Variants in OPCML observed in about 807,000 individuals in gnomAD.
OPCML encodes opioid binding protein/cell adhesion molecule like, also known as opioid-binding protein/cell adhesion molecule.
OPCML carries 13 observed loss-of-function variants against 37.8 expected under a neutral mutation model. The observed-to-expected ratio is 0.34, with a 90% CI of 0.22 to 0.55. The LOEUF is 0.55. Ranked by LOEUF, OPCML falls within the 20% of genes least tolerant of loss-of-function variation. OPCML has a pLI of 0.91. For missense variants in OPCML, 341 were observed against 435.6 expected (o/e 0.78, Z 1.93); for synonymous variants, 176 against 168.8 (o/e 1.04, Z -0.33).
At chr11:133,316,438 T>C (rs1261121459) in intron 1 of OPCML, among the ~76,000 whole-genome samples, 4 of 151,974 alleles carry the variant, frequency 2.6e-5, no homozygotes, top group Non-Finnish European at 4.4e-5. Flanking sequence ...TGAGAACACA[T>C]GGACACAGGG....
At chr11:133,111,500 G>C (rs560736001) in intron 1 of OPCML, among the ~76,000 whole-genome samples, 3 of 152,236 alleles carry the variant, frequency 2.0e-5, no homozygotes, top group East Asian at 3.9e-4. Context: ...GTCTTTCTCA[G>C]ATACCAGCTC....
chr11:132,929,565 C>T (rs140190826), intron 2 of OPCML, among the ~76,000 whole-genome samples: 7 of 152,164 alleles, frequency 4.6e-5, no homozygotes, highest in East Asian at 3.9e-4. Flanking sequence ...AATATTATTT[C>T]GATAACAAAA....
chr11:133,387,098 A>C (rs920799076), intron 1 of OPCML, among the ~76,000 whole-genome samples: 3 of 152,194 alleles, frequency 2.0e-5, no homozygotes, highest in African/African-American at 4.8e-5. Context: ...AATGTTCCTC[A>C]AACACATGGC....
chr11:132,480,664 G>C (rs997537742), intron 4 of OPCML, among the ~76,000 whole-genome samples: 2 of 152,132 alleles, frequency 1.3e-5, no homozygotes, highest in Non-Finnish European at 2.9e-5. Context: ...GACTAACAGC[G>C]GATCTCTTGG....
chr11:133,473,919 A>G (rs1355164443), intron 1 of OPCML, among the ~76,000 whole-genome samples: 1 of 152,268 alleles, frequency 6.6e-6, no homozygotes, highest in East Asian at 1.9e-4. Flanking sequence ...TTTACAGAGT[A>G]ACACTTTAAT....
chr11:133,154,753 G>A (rs1398323584), intron 1 of OPCML, among the ~76,000 whole-genome samples: 2 of 151,950 alleles, frequency 1.3e-5, no homozygotes, highest in Non-Finnish European at 2.9e-5. Flanking sequence ...GCCAATAGAA[G>A]GAGAAGGAAA....
At chr11:132,466,891 G>C (rs573650585) in intron 4 of OPCML, among the ~76,000 whole-genome samples, 2 of 152,262 alleles carry the variant, frequency 1.3e-5, no homozygotes, top group South Asian at 4.1e-4. Flanking sequence ...TATTTTTATA[G>C]AGATTTATTA....
intron 1 of OPCML, among the ~76,000 whole-genome samples, chr11:133,326,064 T>A (rs1466030253): frequency 6.6e-6 from 1 of 152,186 alleles, no homozygotes; most frequent in African/African-American, 2.4e-5. Flanking sequence ...TTCTTGCTCA[T>A]CTTTTCCTGT....
In OPCML at chr11:133,174,325, G is replaced by A. The variant is rs555136271; in HGVS notation, c.62-231315C>T. Among the ~76,000 whole-genome samples, 1 of 152,124 alleles carries A rather than the reference G, an allele frequency of 6.6e-6. No individual in the cohort carries two copies. The highest frequency in any genetic ancestry group is 1.5e-5 in the Non-Finnish European group (1 of 68,028). ...AGGACAGGGGCCTCGCATGAACCTA[G>A]GTTCCAGGTCAGATGAAATGGCCAT... On this transcript the variant is annotated intron_variant, in intron 1 of 7. Transcript: ENST00000524381. The surrounding 1 kb of genome is among the most constrained non-coding windows in gnomAD (Gnocchi z 4.6).
intron 1 of OPCML, among the ~76,000 whole-genome samples, chr11:133,288,411 C>T (rs1942364206): frequency 6.6e-6 from 1 of 152,210 alleles, no homozygotes; most frequent in Non-Finnish European, 1.5e-5. Context: ...AGCTACCAGG[C>T]CCACTGTTTC....
chr11:132,436,432 G>A (rs1565560525), intron 6 of OPCML, 195 bp from the exon 7 acceptor site: 2 of 955,982 alleles, frequency 2.1e-6, no homozygotes, highest in Non-Finnish European at 2.5e-6. Flanking sequence ...CGACTGACAT[G>A]TCTACAACCA....
chr11:133,182,707 A>G (rs1320973283), intron 1 of OPCML, among the ~76,000 whole-genome samples: 2 of 152,224 alleles, frequency 1.3e-5, no homozygotes, highest in African/African-American at 2.4e-5. Flanking sequence ...ACCTGCAAGG[A>G]AAACAAAGTG....
intron 3 of OPCML, among the ~76,000 whole-genome samples, chr11:132,651,184 G>A (rs149261353): frequency 2.0e-5 from 3 of 152,232 alleles, no homozygotes; most frequent in East Asian, 1.9e-4. Flanking sequence ...ACCTGTCTAC[G>A]TATTTAACTC....
At chr11:132,845,400 C>T (rs1463896584) in intron 2 of OPCML, among the ~76,000 whole-genome samples, 2 of 152,114 alleles carry the variant, frequency 1.3e-5, no homozygotes, top group Non-Finnish European at 2.9e-5. Flanking sequence ...AACAAAGCAC[C>T]ACATTTCAAA....
chr11:133,248,299 G>T (rs1461730487), intron 1 of OPCML, among the ~76,000 whole-genome samples: 1 of 152,208 alleles, frequency 6.6e-6, no homozygotes, highest in East Asian at 1.9e-4. Flanking sequence ...GTGGAGTTAG[G>T]TACCTGTGGG....
At chr11:133,078,282 C>G (rs1948654167) in intron 1 of OPCML, among the ~76,000 whole-genome samples, 1 of 152,132 alleles carries the variant, frequency 6.6e-6, no homozygotes, top group Admixed American at 6.5e-5. Context: ...AGTGAAAACA[C>G]GGGAACAAGG....
chr11:132,576,542 T>C (rs867800879), intron 3 of OPCML, among the ~76,000 whole-genome samples: 1 of 152,184 alleles, frequency 6.6e-6, no homozygotes, highest in African/African-American at 2.4e-5. Context: ...CATTGTTACA[T>C]TGACCTTGGT....
intron 1 of OPCML, among the ~76,000 whole-genome samples, chr11:133,376,177 G>C (rs1944799492): frequency 6.8e-6 from 1 of 146,268 alleles, no homozygotes. Context: ...TTACACAAGA[G>C]TAAAAAATTG....
intron 3 of OPCML, among the ~76,000 whole-genome samples, chr11:132,529,825 G>A (rs2512707): frequency 0.37 from 56,665 of 152,144 alleles, 13,764 homozygotes; most frequent in Non-Finnish European, 0.54. Flanking sequence ...GATCCAACCA[G>A]CAATGTGTGG....
Sources: allele counts gnomAD v4.1 joint callset (sites outside exome capture counted in the v4.1 genomes callset), GRCh38; gene constraint gnomAD v4.1.1; non-coding constraint Gnocchi (gnomAD v3.1); transcripts MANE v1.5; gene names NCBI Gene and HGNC (gene_info 2026-07-23, HGNC 2026-07-21).